The following SPOCK1 variants were observed in gnomAD, a reference collection of about 807,000 sequenced individuals.
SPOCK1 encodes SPARC (osteonectin), cwcv and kazal like domains proteoglycan 1.
SPOCK1 carries 23 observed loss-of-function variants against 55.3 expected under a neutral mutation model. The ratio of observed to expected loss-of-function variants is 0.42; its 90% CI spans 0.30 to 0.59. The LOEUF (loss-of-function observed/expected upper bound fraction) is 0.59. SPOCK1 is among the 20% of genes least tolerant of loss of function. The pLI is 0.22. For missense variants in SPOCK1, 499 were observed against 552.5 expected (o/e 0.90, Z 0.97); for synonymous variants, 226 against 221.0 (o/e 1.02, Z -0.20).
chr5:137,362,617 C>T (rs976899327), intron 2 of SPOCK1, among the ~76,000 whole-genome samples: 4 of 152,116 alleles, frequency 2.6e-5, no homozygotes, highest in African/African-American at 7.2e-5. Context: ...CATGAGCCAC[C>T]GCGCCCGGCC....
At chr5:137,022,380 C>A (rs755864733) in intron 6 of SPOCK1, among the ~76,000 whole-genome samples, 1 of 152,172 alleles carries the variant, frequency 6.6e-6, no homozygotes, top group African/African-American at 2.4e-5. Flanking sequence ...CCTGCAACCA[C>A]ATAAGAGACC....
chr5:137,223,598 AC>A (rs751721985), intron 3 of SPOCK1, among the ~76,000 whole-genome samples: 11 of 152,180 alleles, frequency 7.2e-5, no homozygotes, highest in Non-Finnish European at 1.6e-4. Context: ...CATTTGTGAG[AC>A]CCAGGTTTCA....
chr5:137,022,598 T>C (rs150490790), intron 6 of SPOCK1, among the ~76,000 whole-genome samples: 1 of 152,278 alleles, frequency 6.6e-6, no homozygotes, highest in African/African-American at 2.4e-5. Flanking sequence ...GGATGTACAA[T>C]GAAGCCCTGC....
At chr5:137,247,439 T>C (rs1361852342) in intron 3 of SPOCK1, among the ~76,000 whole-genome samples, 3 of 152,238 alleles carry the variant, frequency 2.0e-5, no homozygotes, top group African/African-American at 7.2e-5. Context: ...CCTATGATTA[T>C]GGAATTAATG....
In SPOCK1 at chr5:137,499,291, C is replaced by G. The variant is rs942143884; in HGVS notation, c.-113G>C. 10 of 151,846 alleles carry G rather than the reference C, an allele frequency of 6.6e-5. No individual in the cohort carries two copies. Among genetic ancestry groups the G allele is most frequent in the African/African-American group, 2.2e-4 (9 of 41,398 alleles). 9.4% of individuals were successfully genotyped at this position (151,846 alleles called of 1,614,324 possible). On this transcript the variant is annotated 5_prime_UTR_variant, in exon 1 of 11. Coordinates refer to ENST00000394945, the MANE Select transcript of SPOCK1 (RefSeq NM_004598.4). ...CTGCGCTCCTGCCACACGCCGCCGC[C>G]GAGCGTCTGGCCGCTTTGTGAGCCC... is the stretch of plus-strand genomic sequence containing the variant.
At chr5:137,482,311 T>C (rs547262500) in intron 2 of SPOCK1, among the ~76,000 whole-genome samples, 60 of 152,298 alleles carry the variant, frequency 3.9e-4, no homozygotes, top group African/African-American at 1.4e-3. Context: ...ATGGACTTGA[T>C]GTAGACTCAC....
At chr5:137,189,163 G>T (rs1755128667) in intron 3 of SPOCK1, among the ~76,000 whole-genome samples, 1 of 151,332 alleles carries the variant, frequency 6.6e-6, no homozygotes, top group Admixed American at 6.5e-5. Flanking sequence ...TGGAGAAGCT[G>T]CAAGTTATCC....
At chr5:137,427,519 T>C (rs1239333595) in intron 2 of SPOCK1, among the ~76,000 whole-genome samples, 9 of 152,158 alleles carry the variant, frequency 5.9e-5, no homozygotes, top group Non-Finnish European at 5.9e-5. Flanking sequence ...GAATCCCCCA[T>C]GGAGTAAGAT....
At chr5:137,069,075 G>A (rs1254356549) in intron 5 of SPOCK1, among the ~76,000 whole-genome samples, 3 of 152,174 alleles carry the variant, frequency 2.0e-5, no homozygotes, top group African/African-American at 7.2e-5. Flanking sequence ...AAACACAAAT[G>A]CATACCTTTG....
At chr5:137,425,850 A>G (rs541231980) in intron 2 of SPOCK1, among the ~76,000 whole-genome samples, 2 of 152,028 alleles carry the variant, frequency 1.3e-5, no homozygotes, top group Non-Finnish European at 2.9e-5. Flanking sequence ...ATTTATTAAG[A>G]TGTTTAAAAA....
At chr5:137,083,860 T>C (rs1312001690) in intron 5 of SPOCK1, among the ~76,000 whole-genome samples, 2 of 151,886 alleles carry the variant, frequency 1.3e-5, no homozygotes, top group Non-Finnish European at 2.9e-5. Context: ...TGAGCTACAA[T>C]GCAGTAAGAA....
intron 2 of SPOCK1, among the ~76,000 whole-genome samples, chr5:137,405,181 A>T (rs556748384): frequency 6.6e-6 from 1 of 152,250 alleles, no homozygotes; most frequent in Non-Finnish European, 1.5e-5. Flanking sequence ...TTCTGAACTA[A>T]AAGAAGCTAA....
intron 2 of SPOCK1, among the ~76,000 whole-genome samples, chr5:137,403,748 G>T (rs1362301574): frequency 6.6e-6 from 1 of 151,994 alleles, no homozygotes; most frequent in East Asian, 1.9e-4. Flanking sequence ...AAGGGGGACG[G>T]TATGGCTGGA....
rs570087809 is a variant in SPOCK1 at position 136,979,413 on chromosome 5, C to T, written c.1048G>A (p.Gly350Ser). ...ACACACCAGCACTGCCCCGTGCTGCCGTGGCACTGTGTGGCTTTGTAATAG... is the reference window on the plus strand; with the variant it reads ...ACACACCAGCACTGCCCCGTGCTGCTGTGGCACTGTGTGGCTTTGTAATAG... ...EGYYKATQCH[G>S]STGQCWCVDK... Residue 350 changes from glycine to serine, a missense_variant, in exon 10 of 11, where the codon GGC becomes AGC. Physicochemically the swap from Gly to Ser is moderately conservative, Grantham distance 56. Coordinates refer to ENST00000394945, the MANE Select transcript of SPOCK1 (RefSeq NM_004598.4). 9.3e-6 allele frequency: 15 copies of T among 1,614,082 alleles called. No homozygotes were observed. The Admixed American group carries it at 1.0e-4, about 11-fold the overall frequency.
At chr5:137,040,314 T>C (rs1283477641) in intron 6 of SPOCK1, among the ~76,000 whole-genome samples, 1 of 152,248 alleles carries the variant, frequency 6.6e-6, no homozygotes, top group African/African-American at 2.4e-5. Flanking sequence ...ATGAGCACCA[T>C]CTGCTGCCAA....
At chr5:137,004,228 G>A (rs899482286) in intron 6 of SPOCK1, among the ~76,000 whole-genome samples, 4 of 152,186 alleles carry the variant, frequency 2.6e-5, no homozygotes, top group African/African-American at 7.2e-5. Flanking sequence ...TGGACCAGAT[G>A]CAGCAGGACA....
intron 3 of SPOCK1, among the ~76,000 whole-genome samples, chr5:137,160,273 T>C (rs1754500148): frequency 6.8e-6 from 1 of 147,006 alleles, no homozygotes; most frequent in Admixed American, 7.2e-5. Context: ...TCCAGGTCAC[T>C]GCAAATGCTG....
chr5:137,070,421 G>A (rs1251286192), intron 5 of SPOCK1, among the ~76,000 whole-genome samples: 1 of 152,176 alleles, frequency 6.6e-6, no homozygotes, highest in African/African-American at 2.4e-5. Flanking sequence ...GTTTTAGTTA[G>A]TGTTTTATCC....
At chr5:137,141,364 T>C (rs117444329) in intron 3 of SPOCK1, among the ~76,000 whole-genome samples, 1 of 152,386 alleles carries the variant, frequency 6.6e-6, no homozygotes, top group East Asian at 1.9e-4. Flanking sequence ...TATGACTTCA[T>C]TCATGCCTAA....
Sources: allele counts gnomAD v4.1 joint callset (sites outside exome capture counted in the v4.1 genomes callset), GRCh38; gene constraint gnomAD v4.1.1; transcripts MANE v1.5; gene names NCBI Gene and HGNC (gene_info 2026-07-23, HGNC 2026-07-21).